LPCAT1: variants seen among roughly 807,000 people sequenced by gnomAD.
The protein encoded by LPCAT1 is lysophosphatidylcholine acyltransferase 1, also known as 1-acylglycerol-3-phosphate O-acyltransferase.
In LPCAT1, 23 loss-of-function variants were observed where a neutral mutation model predicts 60.9. That is an observed-to-expected ratio of 0.38 (90% confidence interval 0.27 to 0.53). The LOEUF is 0.53. Among genes scored for constraint, LPCAT1 ranks in the 20% least tolerant of loss-of-function variants. The probability of loss-of-function intolerance (pLI) is 0.82; values close to 1 mark genes in which losing one functional copy is unlikely to be tolerated. For synonymous variants in LPCAT1, 340 were observed against 301.1 expected (o/e 1.13, Z -1.34); for missense variants, 622 against 723.6 (o/e 0.86, Z 1.61).
rs577971329 is a variant in LPCAT1 at position 1,496,403 on chromosome 5, CAT to C, written c.279-1491_279-1490del. On this transcript the variant is annotated intron_variant, in intron 2 of 13. Coordinates refer to ENST00000283415, the MANE Select transcript of LPCAT1 (RefSeq NM_024830.5). This position sits in a 1 kb window ranked among gnomAD's most constrained non-coding sequence, Gnocchi z 4.7. ...AAATAAAGATGTACTCTTCTGTGCA[CAT>C]GTTATTTTCCACAAAAAAAAAAAAA... Among the ~76,000 whole-genome samples the C allele has an allele frequency of 3.3e-4, 48 of 145,978 alleles. No homozygotes were observed. Among genetic ancestry groups the C allele is most frequent in the African/African-American group, 1.0e-3 (39 of 38,902 alleles).
Position 1,495,763 on chromosome 5 carries a change from C to G in LPCAT1, c.279-849G>C, listed in dbSNP as rs1334646411. Among the ~76,000 whole-genome samples the G allele has an allele frequency of 1.3e-5, 2 of 152,194 alleles. No individual in the cohort carries two copies. Among genetic ancestry groups the G allele is most frequent in the Admixed American group, 1.3e-4 (2 of 15,270 alleles). On this transcript the variant is annotated intron_variant, in intron 2 of 13. Transcript: ENST00000283415. This position sits in a 1 kb window ranked among gnomAD's most constrained non-coding sequence, Gnocchi z 4.7. ...AGTGGGCGCATCACACTGGGTAAAA[C>G]TACTGCACAGAGAAACAAGAGCCTG...
At chr5:1,505,849 T>A (rs1049200095) in intron 1 of LPCAT1, among the ~76,000 whole-genome samples, 2 of 152,184 alleles carry the variant, frequency 1.3e-5, no homozygotes, top group African/African-American at 4.8e-5. Flanking sequence ...CAAGCGACCC[T>A]CTGCACCAGC....
chr5:1,476,835 G>GGAGGGA lies in LPCAT1; in HGVS notation c.899+563_899+568dup, dbSNP rs1734938504. On this transcript the variant is annotated intron_variant, in intron 9 of 13. Transcript: ENST00000283415. This position sits in a 1 kb window ranked among gnomAD's most constrained non-coding sequence, Gnocchi z 8.6. ...GGGCGTGTGAGCTGACGACACCGAGGGAGGGAGAGGGGGAGGGCGTGTGAG... is the reference window on the plus strand; with the variant it reads ...GGGCGTGTGAGCTGACGACACCGAGGGAGGGAGAGGGAGAGGGGGAGGGCGTGTGAG... Among the ~76,000 whole-genome samples, 2 of 148,618 alleles carry GGAGGGA rather than the reference G, an allele frequency of 1.3e-5. No homozygotes were observed.
chr5:1,464,988 T>C (rs2911484), intron 13 of LPCAT1, among the ~76,000 whole-genome samples: 97,598 of 147,478 alleles, frequency 0.66, 31,819 homozygotes, highest in South Asian at 0.76. Context: ...ACAAAACAAG[T>C]GCAGGCACAC....
intron 8 of LPCAT1, among the ~76,000 whole-genome samples, chr5:1,478,041 C>T (rs4975548): frequency 0.31 from 46,488 of 152,146 alleles, 8,223 homozygotes; most frequent in East Asian, 0.47. Context: ...GAGGGGCTTA[C>T]GCCCATTTCT....
intron 1 of LPCAT1, among the ~76,000 whole-genome samples, chr5:1,505,464 C>T (rs1338998106): frequency 6.6e-6 from 1 of 152,280 alleles, no homozygotes; most frequent in African/African-American, 2.4e-5. Flanking sequence ...TGGGACCACC[C>T]ACTGGGAACA....
rs151167674 is a variant in LPCAT1 at position 1,519,889 on chromosome 5, C to T, written c.135+3821G>A. Among the ~76,000 whole-genome samples, 587 of 152,366 alleles carry T rather than the reference C, an allele frequency of 3.9e-3. 2 individuals are homozygous for T. The highest frequency in any genetic ancestry group is 0.012 in the African/African-American group (515 of 41,588). On this transcript the variant is annotated intron_variant, in intron 1 of 13. Coordinates refer to ENST00000283415, the MANE Select transcript of LPCAT1 (RefSeq NM_024830.5). Reference sequence around the variant, plus strand: ...CTCCATCCTCCCCAAGGGACAGGCACTCTCCTGCACATCCTCCACAGGGTG... The same window carrying T: ...CTCCATCCTCCCCAAGGGACAGGCATTCTCCTGCACATCCTCCACAGGGTG...
At chr5:1,505,499 C>A (rs142801402) in intron 1 of LPCAT1, among the ~76,000 whole-genome samples, 59 of 152,378 alleles carry the variant, frequency 3.9e-4, no homozygotes, top group African/African-American at 1.4e-3. Context: ...GGAGCAGCGC[C>A]CCATCCCCAA....
chr5:1,477,608 T>C lies in LPCAT1; in HGVS notation c.817-122A>G. ...CAAAGTAACGCCCATTAGAACCGTC[T>C]TCAAAGTTGTCATGTGCACGTGTGT... On this transcript the variant is annotated intron_variant, in intron 8 of 13. Coordinates refer to ENST00000283415, the MANE Select transcript of LPCAT1 (RefSeq NM_024830.5). The surrounding 1 kb of genome is among the most constrained non-coding windows in gnomAD (Gnocchi z 6.0). The C allele has an allele frequency of 4.3e-6, 3 of 693,010 alleles. No homozygotes were observed. The highest frequency in any genetic ancestry group is 2.5e-4 in the Middle Eastern group (1 of 4,076). The allele number at this position is 693,010 out of a possible 1,614,324, so 42.9% of individuals were successfully genotyped here. A position where few individuals can be genotyped will look rare whatever the true frequency, so the allele number is the denominator to read the frequency against.
chr5:1,484,759 C>T (rs1735306238), intron 5 of LPCAT1, among the ~76,000 whole-genome samples: 1 of 152,266 alleles, frequency 6.6e-6, no homozygotes, highest in Non-Finnish European at 1.5e-5. Context: ...AGGACATCCA[C>T]CTGCAGCCTT....
At chr5:1,467,497 C>CG (rs2126476617) in intron 12 of LPCAT1, among the ~76,000 whole-genome samples, 1 of 152,188 alleles carries the variant, frequency 6.6e-6, no homozygotes, top group Non-Finnish European at 1.5e-5. Context: ...GGTGTGGAAG[C>CG]GGCGGCTCCG....
chr5:1,465,304 G>C lies in LPCAT1; in HGVS notation c.1420+1445C>G, dbSNP rs1332155037. Among the ~76,000 whole-genome samples the C allele has an allele frequency of 5.2e-4, 59 of 112,752 alleles. 1 individual carries two copies. The highest frequency in any genetic ancestry group is 2.3e-3 in the African/African-American group (58 of 25,428). The allele number at this position is 112,752 out of a possible 152,430, so 74.0% of individuals were successfully genotyped here. A position where few individuals can be genotyped will look rare whatever the true frequency, so the allele number is the denominator to read the frequency against. On this transcript the variant is annotated intron_variant, in intron 13 of 13. Coordinates refer to ENST00000283415, the MANE Select transcript of LPCAT1 (RefSeq NM_024830.5). The stretch of plus-strand genomic sequence containing the variant: ...CACACGCACGGTACTAAACACATGT[G>C]CGCGCACACACAAAACAAGCGCAGG...
At chr5:1,470,987 T>G in intron 11 of LPCAT1, 63 bp from the exon 12 acceptor site, 2 of 1,392,598 alleles carry the variant, frequency 1.4e-6, no homozygotes, top group Non-Finnish European at 2.0e-6. Context: ...AACGCCAGGG[T>G]TTCCCATGGG....
At chr5:1,490,044 G>A (rs769312925) in intron 3 of LPCAT1, among the ~76,000 whole-genome samples, 186 bp from the exon 4 acceptor site, 2 of 152,250 alleles carry the variant, frequency 1.3e-5, no homozygotes, top group Non-Finnish European at 2.9e-5. Flanking sequence ...GGCTTCCCAT[G>A]TCTGTGACAG....
rs1244858451 is a variant in LPCAT1, at chr5:1,523,431, A to C, written c.135+279T>G. On this transcript the variant is annotated intron_variant, in intron 1 of 13. Transcript: ENST00000283415. This position sits in a 1 kb window ranked among gnomAD's most constrained non-coding sequence, Gnocchi z 7.1. Reference sequence around the variant, plus strand: ...TGCAGGGGTCTGGGGGGAGGAGCAGAACGCGGGGCGGGGATGGGAAGCGGG... The same window carrying C: ...TGCAGGGGTCTGGGGGGAGGAGCAGCACGCGGGGCGGGGATGGGAAGCGGG... Among the ~76,000 whole-genome samples, 1 of 151,544 alleles carries C rather than the reference A, an allele frequency of 6.6e-6. No homozygotes were observed. The highest frequency in any genetic ancestry group is 1.5e-5 in the Non-Finnish European group (1 of 67,800).
Position 1,517,889 on chromosome 5 carries a change from A to G in LPCAT1, c.135+5821T>C, listed in dbSNP as rs78636515. Among the ~76,000 whole-genome samples the G allele has an allele frequency of 3.5e-4, 53 of 152,342 alleles. 1 individual carries two copies. In the East Asian group the frequency reaches 8.1e-3, roughly 23 times the overall value. On this transcript the variant is annotated intron_variant, in intron 1 of 13. Transcript: ENST00000283415. ...CTCCCCACACGGGGGACGAGGGGAC[A>G]AGGGGACGAGGTCGGAGGGCTCAGG...
intron 8 of LPCAT1, among the ~76,000 whole-genome samples, chr5:1,478,880 C>G (rs1179746661): frequency 6.6e-6 from 1 of 152,236 alleles, no homozygotes; most frequent in African/African-American, 2.4e-5. Context: ...GCAGGCTACA[C>G]AGAGGTGACT....
In LPCAT1 at chr5:1,483,301, C is replaced by A; in HGVS notation, c.726+127G>T. 3 of 1,076,152 alleles carry A rather than the reference C, an allele frequency of 2.8e-6. No homozygotes were observed. The highest frequency in any genetic ancestry group is 2.4e-5 in the East Asian group (1 of 41,674). 66.7% of individuals were successfully genotyped at this position (1,076,152 alleles called of 1,614,324 possible). ...CTGAGGCCGGATGGACTCAGCATGG[C>A]CAAGTGTGGGCTGTGGCGCAGATAA... On this transcript the variant is annotated intron_variant, in intron 6 of 13. Transcript: ENST00000283415. The surrounding 1 kb of genome is among the most constrained non-coding windows in gnomAD (Gnocchi z 9.2).
rs533040893 is a variant in LPCAT1, at chr5:1,471,188, C to A, written c.1180-264G>T. Among the ~76,000 whole-genome samples the A allele has an allele frequency of 3.3e-5, 5 of 152,332 alleles. No homozygotes were observed. In the South Asian group the frequency reaches 8.3e-4, roughly 25 times the overall value. ...ACAGGAAGCACCTCAGCAAAGCACA[C>A]GCGATGCAATGCCTGCCACCTGCCA... is the stretch of plus-strand genomic sequence containing the variant. On this transcript the variant is annotated intron_variant, in intron 11 of 13. Transcript: ENST00000283415.
Sources: gnomAD v4.1 joint callset for allele counts (sites outside exome capture counted in the v4.1 genomes callset) on GRCh38, gnomAD v4.1.1 for gene constraint, Gnocchi (gnomAD v3.1) non-coding constraint, MANE v1.5 for transcripts, NCBI Gene and HGNC (gene_info 2026-07-23, HGNC 2026-07-21) for gene names.